Variants in ATCAY observed in about 807,000 individuals in gnomAD.
ATCAY encodes ATCAY kinesin light chain interacting caytaxin.
Under a neutral mutation model 47.7 loss-of-function variants are expected in ATCAY, and 22 were observed. The observed-to-expected ratio is 0.46, with a 90% confidence interval of 0.33 to 0.66. The LOEUF (loss-of-function observed/expected upper bound fraction) is 0.66, where lower values mean the gene tolerates loss of function less well. Ranked by LOEUF, ATCAY falls within the 30% of genes least tolerant of loss-of-function variation. The probability of loss-of-function intolerance (pLI) is 0.02; values close to 1 mark genes in which losing one functional copy is unlikely to be tolerated. For synonymous variants in ATCAY, 216 were observed against 207.6 expected, an observed-to-expected ratio of 1.04 and a Z score of -0.35; for missense variants, 452 against 515.0, an observed-to-expected ratio of 0.88 and a Z score of 1.18.
At chr19:3,916,697 T>C (rs753296838) in intron 9 of ATCAY, among the ~76,000 whole-genome samples, 5 of 152,178 alleles carry the variant, frequency 3.3e-5, no homozygotes, top group South Asian at 2.1e-4. Context: ...GGTTTCACCA[T>C]GTTGGCCTGG....
At chr19:3,885,701 C>T in intron 1 of ATCAY, 26 bp from the exon 2 acceptor site, 2 of 1,404,226 alleles carry the variant, frequency 1.4e-6, no homozygotes, top group Non-Finnish European at 2.0e-6. Context: ...TCCAGTAAAA[C>T]CCATTCCTCT....
chr19:3,903,042 T>C (rs1415507388), intron 3 of ATCAY, among the ~76,000 whole-genome samples: 1 of 152,162 alleles, frequency 6.6e-6, no homozygotes, highest in Non-Finnish European at 1.5e-5. Context: ...GGCGTGATCA[T>C]GGCTCACTGC....
chr19:3,899,415 G>C (rs1397312126), intron 2 of ATCAY, among the ~76,000 whole-genome samples: 1 of 147,350 alleles, frequency 6.8e-6, no homozygotes, highest in Non-Finnish European at 1.5e-5. Context: ...CAGGGTTCAA[G>C]TGATTCTCCT....
chr19:3,913,610 G>A lies in ATCAY; in HGVS notation c.867-148G>A, dbSNP rs534986926. The A allele has an allele frequency of 1.4e-4, 88 of 623,294 alleles. No individual in the cohort carries two copies. The South Asian group carries it at 1.5e-3, about 11-fold the overall frequency. 38.6% of individuals were successfully genotyped at this position (623,294 alleles called of 1,614,324 possible). A position where few individuals can be genotyped will look rare whatever the true frequency, so the allele number is the denominator to read the frequency against. ...GTGCAAGATAATTAAGGCTGTCATC[G>A]GGCGGGAGGGAGGTGTCGTCGTCTG... On this transcript the variant is annotated intron_variant, in intron 8 of 12. Transcript: ENST00000450849.
intron 5 of ATCAY, 26 bp from the exon 6 acceptor site, chr19:3,908,242 G>A (rs368205347): frequency 1.4e-4 from 222 of 1,547,350 alleles, no homozygotes; most frequent in Admixed American, 7.0e-4. Context: ...GGACTCTGAC[G>A]TTGCCGATCG....
Position 3,909,433 on chromosome 19 carries a change from C to G in ATCAY, c.648-53C>G, listed in dbSNP as rs2038903357. The G allele has an allele frequency of 5.7e-6, 9 of 1,585,666 alleles. No homozygotes were observed. In the Middle Eastern group the frequency reaches 5.1e-4, roughly 91 times the overall value. On this transcript the variant is annotated intron_variant, in intron 6 of 12. Coordinates refer to ENST00000450849, the MANE Select transcript of ATCAY (RefSeq NM_033064.5). The stretch of plus-strand genomic sequence containing the variant: ...AGGCAGGGTCGGCACCGCAGGTGTC[C>G]TGACCCTGGACCCCTCCATGTTGGG...
rs1157108352 is a variant in ATCAY at position 3,885,114 on chromosome 19, A to ATTT, written c.-41-613_-41-612insTTT. Among the ~76,000 whole-genome samples, 3 of 147,112 alleles carry ATTT rather than the reference A, an allele frequency of 2.0e-5. No individual in the cohort carries two copies. The East Asian group carries it at 6.1e-4, about 30-fold the overall frequency. ...CAAGATCATGTTTTTTTTTTTAAAA[A>ATTT]AAAAAAAAAAAAAAAAAAAAACAGC... On this transcript the variant is annotated intron_variant, in intron 1 of 12. Transcript: ENST00000450849.
At chr19:3,894,085 G>A (rs2145229417) in intron 2 of ATCAY, among the ~76,000 whole-genome samples, 1 of 152,228 alleles carries the variant, frequency 6.6e-6, no homozygotes, top group East Asian at 1.9e-4. Context: ...AGGCACAGTG[G>A]CTCACTCCTG....
chr19:3,917,977 C>G lies in ATCAY; in HGVS notation c.1001+200C>G, dbSNP rs368043299. On this transcript the variant is annotated intron_variant, in intron 10 of 12. Coordinates refer to ENST00000450849, the MANE Select transcript of ATCAY (RefSeq NM_033064.5). ...GCTCCCGCATTGAGCTGCAAGGTAA[C>G]ATTAAGCAAATAAAAAGCTAACAAC... Among the ~76,000 whole-genome samples, 6 of 152,278 alleles carry G rather than the reference C, an allele frequency of 3.9e-5. 1 individual carries two copies. The highest frequency in any genetic ancestry group is 1.4e-4 in the African/African-American group (6 of 41,578).
At chr19:3,884,093 C>T (rs1230512623) in intron 1 of ATCAY, among the ~76,000 whole-genome samples, 3 of 151,912 alleles carry the variant, frequency 2.0e-5, no homozygotes, top group Non-Finnish European at 1.5e-5. Flanking sequence ...CACCTGAGCC[C>T]GAAAGTTCAA....
intron 2 of ATCAY, chr19:3,895,064 G>A (rs2038755911): frequency 4.5e-6 from 2 of 447,850 alleles, no homozygotes; most frequent in Non-Finnish European, 4.5e-6. Flanking sequence ...TTTGCCGTAA[G>A]CATCACTATC....
At chr19:3,917,903 G>A (rs901917550) in intron 10 of ATCAY, 126 bp downstream of exon 10, 8 of 990,042 alleles carry the variant, frequency 8.1e-6, no homozygotes, top group East Asian at 2.7e-5. Flanking sequence ...GGCTCAAGAC[G>A]CTGCCCTTCT....
intron 8 of ATCAY, among the ~76,000 whole-genome samples, chr19:3,912,805 A>C (rs2145255304): frequency 6.6e-6 from 1 of 151,934 alleles, no homozygotes; most frequent in East Asian, 2.0e-4. Context: ...GGATCACTTG[A>C]GCCCAGGAGG....
At chr19:3,908,178 G>A in intron 5 of ATCAY, 90 bp from the exon 6 acceptor site, 2 of 1,199,532 alleles carry the variant, frequency 1.7e-6, no homozygotes, top group South Asian at 1.3e-5. Context: ...TCCCGAGCGT[G>A]TGGGCACCGG....
At chr19:3,881,904 T>C (rs1321833470) in intron 1 of ATCAY, among the ~76,000 whole-genome samples, 1 of 145,058 alleles carries the variant, frequency 6.9e-6, no homozygotes, top group East Asian at 2.2e-4. Context: ...GAGGGATTTT[T>C]TTTTTTTCCA....
chr19:3,900,035 T>C (rs754811005), intron 2 of ATCAY, among the ~76,000 whole-genome samples: 7 of 152,188 alleles, frequency 4.6e-5, no homozygotes, highest in African/African-American at 1.7e-4. Flanking sequence ...GTATATTTTA[T>C]ATTTGTCACA....
chr19:3,886,168 G>T (rs1038145297), intron 2 of ATCAY, among the ~76,000 whole-genome samples: 17 of 152,204 alleles, frequency 1.1e-4, no homozygotes, highest in African/African-American at 4.1e-4. Flanking sequence ...TAACATTCTG[G>T]CTGGGCGCGG....
In ATCAY at chr19:3,909,535, G is replaced by A. The variant is rs1372801681; in HGVS notation, c.697G>A (p.Val233Met). The change falls in exon 7 of 13, where the codon GTG becomes ATG. Residue 233 changes from valine to methionine, a missense_variant. Val to Met is a conservative substitution (Grantham distance 21). Transcript: ENST00000450849. ...CCTGGTGGCTGAGGACTACATGATC[G>A]TGTACCTGAACGGTGCCACGCCCCG... ...ELLVAEDYMIVYLNGATPRRR... is the reference protein window; with the variant it reads ...ELLVAEDYMIMYLNGATPRRR... The A allele has an allele frequency of 1.9e-6, 3 of 1,613,862 alleles. No homozygotes were observed. Among genetic ancestry groups the A allele is most frequent in the Non-Finnish European group, 2.5e-6 (3 of 1,179,860 alleles).
At chr19:3,887,971 T>C (rs1386767558) in intron 2 of ATCAY, among the ~76,000 whole-genome samples, 3 of 151,632 alleles carry the variant, frequency 2.0e-5, no homozygotes, top group Non-Finnish European at 4.4e-5. Context: ...AAAAATTAGC[T>C]GGGCATGGTG....
Sources: allele counts gnomAD v4.1 joint callset (sites outside exome capture counted in the v4.1 genomes callset), GRCh38; gene constraint gnomAD v4.1.1; transcripts MANE v1.5; gene names NCBI Gene and HGNC (gene_info 2026-07-23, HGNC 2026-07-21).